Variants in SLCO5A1 observed in about 807,000 individuals in gnomAD.
SLCO5A1 encodes the protein solute carrier organic anion transporter family member 5A1, also known as organic anion transporter polypeptide-related protein 4.
In SLCO5A1, 39 loss-of-function variants were observed where a neutral mutation model predicts 65.1. The observed-to-expected ratio is 0.60, with a 90% CI of 0.46 to 0.78. The LOEUF (loss-of-function observed/expected upper bound fraction) is 0.78, where lower values mean the gene tolerates loss of function less well. Among genes scored for constraint, SLCO5A1 ranks in the 30% least tolerant of loss-of-function variants. The probability of loss-of-function intolerance (pLI) is 0.00; values close to 1 mark genes in which losing one functional copy is unlikely to be tolerated. For synonymous variants in SLCO5A1, 438 were observed against 415.7 expected (o/e 1.05, Z -0.65); for missense variants, 1,029 against 1,069.4 (o/e 0.96, Z 0.53).
At chr8:69,820,677 A>G (rs987985079) in intron 2 of SLCO5A1, among the ~76,000 whole-genome samples, 1 of 151,750 alleles carries the variant, frequency 6.6e-6, no homozygotes, top group Non-Finnish European at 1.5e-5. Flanking sequence ...ACAAAAAAAT[A>G]TATTTAAAAA....
intron 2 of SLCO5A1, among the ~76,000 whole-genome samples, chr8:69,763,938 C>T (rs1472938729): frequency 1.3e-5 from 2 of 152,106 alleles, no homozygotes; most frequent in East Asian, 1.9e-4. Flanking sequence ...GATCTTGGCT[C>T]ACTGCAACCT....
At chr8:69,751,327 G>A (rs1227808669) in intron 4 of SLCO5A1, among the ~76,000 whole-genome samples, 1 of 152,080 alleles carries the variant, frequency 6.6e-6, no homozygotes, top group Non-Finnish European at 1.5e-5. Context: ...TAATTTCTTT[G>A]TGGAATGTAA....
At chr8:69,734,118 T>A (rs1002256413) in intron 5 of SLCO5A1, among the ~76,000 whole-genome samples, 27 of 152,076 alleles carry the variant, frequency 1.8e-4, no homozygotes, top group Admixed American at 1.4e-3. Flanking sequence ...TGTCACCACC[T>A]CCCGCCAGGC....
At chr8:69,746,012 G>A (rs142425945) in intron 4 of SLCO5A1, among the ~76,000 whole-genome samples, 5 of 152,230 alleles carry the variant, frequency 3.3e-5, no homozygotes, top group South Asian at 2.1e-4. Context: ...AACCCTGAAC[G>A]TCCTCCCTGA....
chr8:69,758,292 T>A (rs1817609828), intron 3 of SLCO5A1, among the ~76,000 whole-genome samples: 1 of 152,242 alleles, frequency 6.6e-6, no homozygotes, highest in African/African-American at 2.4e-5. Context: ...GCTCAAGTGA[T>A]CCTCCCACCT....
chr8:69,782,515 G>C (rs1818839290), intron 2 of SLCO5A1, among the ~76,000 whole-genome samples: 1 of 150,654 alleles, frequency 6.6e-6, no homozygotes, highest in Non-Finnish European at 1.5e-5. Context: ...AGGAGGTCAA[G>C]GCTGCAGTGA....
chr8:69,813,735 T>G (rs1375711473), intron 2 of SLCO5A1, among the ~76,000 whole-genome samples: 1 of 152,174 alleles, frequency 6.6e-6, no homozygotes, highest in Non-Finnish European at 1.5e-5. Flanking sequence ...CAAGTCGGAC[T>G]GAACAAAGCA....
rs371372906 is a variant in SLCO5A1 at position 69,727,873 on chromosome 8, CTT to C, written c.1423+10165_1423+10166del. On this transcript the variant is annotated intron_variant, in intron 5 of 9. Transcript: ENST00000260126. ...AAAAATATTCACAGTCTCTCAGTCT[CTT>C]TTCCCTTTCTGGAATCAGCTTCTCT... Among the ~76,000 whole-genome samples, 145 of 152,360 alleles carry C rather than the reference CTT, an allele frequency of 9.5e-4. 1 individual carries two copies. The East Asian group carries it at 0.024, about 25-fold the overall frequency.
At chr8:69,685,364 G>A (rs1229126568) in intron 6 of SLCO5A1, among the ~76,000 whole-genome samples, 2 of 152,118 alleles carry the variant, frequency 1.3e-5, no homozygotes. Context: ...CCCATCATGA[G>A]AGCACAAAAT....
chr8:69,792,186 A>C (rs1586804887), intron 2 of SLCO5A1, among the ~76,000 whole-genome samples: 1 of 152,182 alleles, frequency 6.6e-6, no homozygotes, highest in African/African-American at 2.4e-5. Flanking sequence ...CCATTTCAAC[A>C]TAAGAAAATC....
At chr8:69,781,750 C>A (rs1586793043) in intron 2 of SLCO5A1, among the ~76,000 whole-genome samples, 2 of 152,008 alleles carry the variant, frequency 1.3e-5, no homozygotes, top group African/African-American at 4.8e-5. Context: ...CTCCACCTCC[C>A]AGGTTCAAGC....
At chr8:69,701,288 C>T (rs894554570) in intron 6 of SLCO5A1, among the ~76,000 whole-genome samples, 11 of 152,156 alleles carry the variant, frequency 7.2e-5, no homozygotes, top group Admixed American at 4.6e-4. Flanking sequence ...ATACTGTAAA[C>T]CAAAAATAAA....
At chr8:69,726,258 C>T (rs1816070607) in intron 5 of SLCO5A1, among the ~76,000 whole-genome samples, 1 of 152,044 alleles carries the variant, frequency 6.6e-6, no homozygotes, top group Non-Finnish European at 1.5e-5. Context: ...TTCTTTTTTC[C>T]CACTAAGAGT....
At chr8:69,677,524 G>A (rs1481475726) in intron 8 of SLCO5A1, among the ~76,000 whole-genome samples, 1 of 152,166 alleles carries the variant, frequency 6.6e-6, no homozygotes, top group Non-Finnish European at 1.5e-5. Flanking sequence ...ATGAGAGTAT[G>A]GTATATAATA....
At chr8:69,764,549 T>C (rs1050565462) in intron 2 of SLCO5A1, among the ~76,000 whole-genome samples, 1 of 152,218 alleles carries the variant, frequency 6.6e-6, no homozygotes, top group African/African-American at 2.4e-5. Flanking sequence ...AAATGGAGAA[T>C]GGAGGCAGAG....
At chr8:69,801,595 A>G (rs1045283544) in intron 2 of SLCO5A1, among the ~76,000 whole-genome samples, 2 of 152,178 alleles carry the variant, frequency 1.3e-5, no homozygotes, top group Admixed American at 1.3e-4. Flanking sequence ...TTAGAGTTTT[A>G]CATTCTCTGA....
intron 2 of SLCO5A1, among the ~76,000 whole-genome samples, chr8:69,800,692 A>G (rs999370479): frequency 6.6e-6 from 1 of 152,180 alleles, no homozygotes; most frequent in Non-Finnish European, 1.5e-5. Flanking sequence ...GTTTATAATC[A>G]CGAAGGTTTA....
Position 69,673,031 on chromosome 8 carries a change from G to A in SLCO5A1, c.2385C>T (p.Cys795=), listed in dbSNP as rs1813393006. The A allele has an allele frequency of 6.2e-7, 1 of 1,614,222 alleles. No individual in the cohort carries two copies. Among genetic ancestry groups the A allele is most frequent in the Non-Finnish European group, 8.5e-7 (1 of 1,180,028 alleles). Residue 795 remains cysteine, a synonymous_variant, in exon 10 of 10, where the codon TGC becomes TGT. Coordinates refer to ENST00000260126, the MANE Select transcript of SLCO5A1 (RefSeq NM_030958.3). ...ATTCTCCCTGGGTGCTGAAAGCTGGGCAAGATCTAGTCCGGGCATTGTCGG... is the reference window on the plus strand; with the variant it reads ...ATTCTCCCTGGGTGCTGAAAGCTGGACAAGATCTAGTCCGGGCATTGTCGG... The part of the protein sequence containing the change: ...GHPDNARTRS[C]PAFSTQGEFH...
chr8:69,833,833 A>G (rs893929395), intron 1 of SLCO5A1: 13 of 152,262 alleles, frequency 8.5e-5, no homozygotes, highest in African/African-American at 3.1e-4. Flanking sequence ...CTCTTCAATT[A>G]CAAATACCAG....
Sources: allele counts gnomAD v4.1 joint callset (sites outside exome capture counted in the v4.1 genomes callset), GRCh38; gene constraint gnomAD v4.1.1; transcripts MANE v1.5; gene names NCBI Gene and HGNC (gene_info 2026-07-23, HGNC 2026-07-21).